NCK2: variants seen among roughly 807,000 people sequenced by gnomAD.
NCK2 encodes NCK adaptor protein 2.
A neutral mutation model predicts 33.9 loss-of-function variants in NCK2; 16 were observed. The observed-to-expected ratio is 0.47, with a 90% confidence interval of 0.32 to 0.72. The LOEUF (loss-of-function observed/expected upper bound fraction) is 0.72. Among genes scored for constraint, NCK2 ranks in the 30% least tolerant of loss-of-function variants. The probability of loss-of-function intolerance (pLI) is 0.03; values close to 1 mark genes in which losing one functional copy is unlikely to be tolerated. For synonymous variants in NCK2, 273 were observed against 239.9 expected (o/e 1.14, Z -1.27); for missense variants, 418 against 537.3 (o/e 0.78, Z 2.19).
chr2:105,864,828 T>TACACACACACACACACAC (rs10524426), intron 3 of NCK2, among the ~76,000 whole-genome samples: 12 of 144,358 alleles, frequency 8.3e-5, no homozygotes, highest in African/African-American at 3.2e-4. Flanking sequence ...CATGTGCATG[T>TACACACACACACACACAC]ACACACACAC....
At chr2:105,880,037 A>T (rs1157467170) in intron 3 of NCK2, among the ~76,000 whole-genome samples, 1 of 152,210 alleles carries the variant, frequency 6.6e-6, no homozygotes, top group Non-Finnish European at 1.5e-5. Context: ...TGGGGCTGAC[A>T]TGCTTTCCTC....
At chr2:105,825,260 C>T (rs17031845) in intron 2 of NCK2, among the ~76,000 whole-genome samples, 2,016 of 152,252 alleles carry the variant, frequency 0.013, 43 homozygotes, top group African/African-American at 0.045. Context: ...GTGCTGTTAA[C>T]GCTGATCTTC....
chr2:105,804,849 T>G (rs1674971692), intron 1 of NCK2, among the ~76,000 whole-genome samples: 1 of 152,178 alleles, frequency 6.6e-6, no homozygotes, highest in African/African-American at 2.4e-5. Context: ...CACAGTGGTG[T>G]TAGGGATTCA....
At chr2:105,806,330 C>T (rs1436159848) in intron 1 of NCK2, among the ~76,000 whole-genome samples, 13 of 151,670 alleles carry the variant, frequency 8.6e-5, no homozygotes, top group Non-Finnish European at 1.3e-4. Flanking sequence ...CTCCGCCTCC[C>T]GGGTTCACGC....
intron 4 of NCK2, among the ~76,000 whole-genome samples, chr2:105,892,755 A>T (rs1679039061): frequency 6.6e-6 from 1 of 151,704 alleles, no homozygotes; most frequent in South Asian, 2.1e-4. Flanking sequence ...CCGAGACAGG[A>T]GAATCGCTTG....
At chr2:105,812,338 G>A (rs974440676) in intron 1 of NCK2, among the ~76,000 whole-genome samples, 2 of 152,204 alleles carry the variant, frequency 1.3e-5, no homozygotes, top group African/African-American at 4.8e-5. Context: ...GTCCACATGG[G>A]TTGAACTTTG....
chr2:105,845,270 C>G (rs1186356735), intron 2 of NCK2, among the ~76,000 whole-genome samples: 1 of 152,132 alleles, frequency 6.6e-6, no homozygotes, highest in Non-Finnish European at 1.5e-5. Context: ...TTGTTTCAAC[C>G]TTGCATGTTT....
At chr2:105,889,803 C>T (rs902702208) in intron 4 of NCK2, among the ~76,000 whole-genome samples, 1 of 152,094 alleles carries the variant, frequency 6.6e-6, no homozygotes, top group Non-Finnish European at 1.5e-5. Flanking sequence ...CCAGGCTGAT[C>T]TCAAAGTCCT....
intron 4 of NCK2, 98 bp from the exon 5 acceptor site, chr2:105,892,884 A>C: frequency 1.0e-6 from 1 of 958,872 alleles, no homozygotes; most frequent in Non-Finnish European, 1.5e-6. Flanking sequence ...TGTTTGAGCA[A>C]TGGGTGGTTT....
At chr2:105,745,734 G>C (rs1302112390) in intron 1 of NCK2, 1 of 152,262 alleles carries the variant, frequency 6.6e-6, no homozygotes, top group African/African-American at 2.4e-5. Flanking sequence ...GGCGAAGGGA[G>C]CTTTTGTGCC....
intron 2 of NCK2, among the ~76,000 whole-genome samples, chr2:105,822,762 A>G (rs4851871): frequency 0.21 from 31,233 of 151,980 alleles, 3,843 homozygotes; most frequent in East Asian, 0.32. Flanking sequence ...GATTCTCTGA[A>G]TTGTACCTTA....
At chr2:105,746,611 G>A (rs539587929) in intron 1 of NCK2, among the ~76,000 whole-genome samples, 7 of 152,358 alleles carry the variant, frequency 4.6e-5, no homozygotes, top group Admixed American at 2.6e-4. Flanking sequence ...TTTACGTAAA[G>A]AGAATGGCAG....
chr2:105,881,754 A>AG lies in NCK2; in HGVS notation c.658dup (p.Glu220GlyfsTer7). On this transcript the variant is annotated frameshift_variant, in exon 4 of 5. Coordinates refer to ENST00000233154, the MANE Select transcript of NCK2 (RefSeq NM_003581.5). LOFTEE classifies it high-confidence loss of function. The stretch of plus-strand genomic sequence containing the variant: ...ACCGAGGAGGAGCTCAACTTCGAGA[A>AG]GGGGGAGACCATGGAGGTGATTGAG... 1 of 1,614,214 alleles carries AG rather than the reference A, an allele frequency of 6.2e-7. No individual in the cohort carries two copies. Among genetic ancestry groups the AG allele is most frequent in the Non-Finnish European group, 8.5e-7 (1 of 1,180,030 alleles).
chr2:105,795,475 C>T (rs986489058), intron 1 of NCK2, among the ~76,000 whole-genome samples: 5 of 152,184 alleles, frequency 3.3e-5, no homozygotes, highest in Non-Finnish European at 7.3e-5. Flanking sequence ...AAAACTGCTG[C>T]ATAAATATTT....
chr2:105,820,537 A>G (rs1364235827), intron 2 of NCK2, among the ~76,000 whole-genome samples: 1 of 152,126 alleles, frequency 6.6e-6, no homozygotes, highest in Non-Finnish European at 1.5e-5. Flanking sequence ...TCCCCATTGA[A>G]GTTAAGGAAC....
chr2:105,828,203 A>G (rs1257506191), intron 2 of NCK2, among the ~76,000 whole-genome samples: 1 of 152,208 alleles, frequency 6.6e-6, no homozygotes, highest in Non-Finnish European at 1.5e-5. Context: ...ATAGCAGTAG[A>G]TGAATAAGTC....
At chr2:105,769,840 G>A (rs190934653) in intron 1 of NCK2, among the ~76,000 whole-genome samples, 53 of 152,300 alleles carry the variant, frequency 3.5e-4, no homozygotes, top group Middle Eastern at 3.4e-3. Flanking sequence ...TTAATCCCTC[G>A]GAGTAATCTT....
intron 3 of NCK2, among the ~76,000 whole-genome samples, chr2:105,858,059 T>A (rs750011086): frequency 2.7e-5 from 1 of 37,066 alleles, no homozygotes; most frequent in Non-Finnish European, 1.1e-4. Flanking sequence ...TTTTTTTTTG[T>A]TTTTTTTTTT....
intron 3 of NCK2, among the ~76,000 whole-genome samples, chr2:105,875,976 ACTTTCATT>A (rs1426534800): frequency 2.0e-5 from 3 of 151,982 alleles, no homozygotes; most frequent in East Asian, 1.9e-4. Context: ...TTTTTTAGTT[ACTTTCATT>A]CTTTCATTCT....
Sources: gnomAD v4.1 joint callset for allele counts (sites outside exome capture counted in the v4.1 genomes callset) on GRCh38, gnomAD v4.1.1 for gene constraint, MANE v1.5 for transcripts, NCBI Gene and HGNC (gene_info 2026-07-23, HGNC 2026-07-21) for gene names.